Variants in SEMA5A observed in about 807,000 individuals in gnomAD.
SEMA5A encodes semaphorin 5A.
A neutral mutation model predicts 135.5 loss-of-function variants in SEMA5A; 55 were observed. The observed-to-expected ratio is 0.41, with a 90% CI of 0.33 to 0.51. The LOEUF is 0.51. Among genes scored for constraint, SEMA5A ranks in the 20% least tolerant of loss-of-function variants. The probability of loss-of-function intolerance (pLI) is 0.37; values close to 1 mark genes in which losing one functional copy is unlikely to be tolerated. For synonymous variants in SEMA5A, 580 were observed against 546.5 expected, an observed-to-expected ratio of 1.06 and a Z score of -0.85; for missense variants, 1,290 against 1,419.9, an observed-to-expected ratio of 0.91 and a Z score of 1.47.
intron 2 of SEMA5A, among the ~76,000 whole-genome samples, chr5:9,400,446 T>C (rs941174759): frequency 4.6e-5 from 7 of 150,588 alleles, no homozygotes; most frequent in African/African-American, 1.5e-4. Context: ...AATCTGAAGA[T>C]CTAAAAAAAA....
At chr5:9,445,834 A>C (rs1016773921) in intron 1 of SEMA5A, among the ~76,000 whole-genome samples, 2 of 152,170 alleles carry the variant, frequency 1.3e-5, no homozygotes, top group African/African-American at 4.8e-5. Flanking sequence ...AATCATGCAA[A>C]TATCTGGCTC....
At chr5:9,139,534 C>G (rs1741949173) in intron 12 of SEMA5A, among the ~76,000 whole-genome samples, 1 of 152,120 alleles carries the variant, frequency 6.6e-6, no homozygotes, top group South Asian at 2.1e-4. Flanking sequence ...GATGAATATA[C>G]TTTTTAAACA....
chr5:9,085,505 G>A (rs1738632139), intron 16 of SEMA5A, among the ~76,000 whole-genome samples: 1 of 152,200 alleles, frequency 6.6e-6, no homozygotes, highest in African/African-American at 2.4e-5. Flanking sequence ...TGCAGAGGGT[G>A]CAAGCCCCAA....
intron 16 of SEMA5A, among the ~76,000 whole-genome samples, chr5:9,073,686 G>A (rs564293385): frequency 6.6e-6 from 1 of 152,134 alleles, no homozygotes; most frequent in African/African-American, 2.4e-5. Context: ...CATACAATAT[G>A]ATTGTCTATG....
chr5:9,167,967 T>A (rs1243618765), intron 11 of SEMA5A, among the ~76,000 whole-genome samples: 1 of 152,200 alleles, frequency 6.6e-6, no homozygotes, highest in Non-Finnish European at 1.5e-5. Flanking sequence ...TCTTTCAATT[T>A]TCCTGGTTAT....
intron 5 of SEMA5A, among the ~76,000 whole-genome samples, chr5:9,317,163 A>C (rs968822733): frequency 6.6e-6 from 1 of 152,180 alleles, no homozygotes; most frequent in African/African-American, 2.4e-5. Flanking sequence ...AGCTCAATGA[A>C]AGACTCCAGT....
intron 8 of SEMA5A, among the ~76,000 whole-genome samples, chr5:9,213,961 G>C (rs1746479311): frequency 6.6e-6 from 1 of 152,006 alleles, no homozygotes; most frequent in South Asian, 2.1e-4. Context: ...GACTGACCAA[G>C]AGCTCCAGTA....
intron 5 of SEMA5A, among the ~76,000 whole-genome samples, chr5:9,268,507 T>G (rs1346619867): frequency 6.6e-6 from 1 of 152,082 alleles, no homozygotes; most frequent in Non-Finnish European, 1.5e-5. Flanking sequence ...AGTTCAGAAT[T>G]TTTCAGTAAA....
chr5:9,489,567 TTAAGTA>T (rs538971533), intron 1 of SEMA5A, among the ~76,000 whole-genome samples: 180 of 152,292 alleles, frequency 1.2e-3, no homozygotes, highest in Admixed American at 2.4e-3. Context: ...AATATTCACT[TTAAGTA>T]TAAGAAATTT....
chr5:9,283,246 C>A (rs150055997), intron 5 of SEMA5A, among the ~76,000 whole-genome samples: 2 of 152,248 alleles, frequency 1.3e-5, no homozygotes, highest in African/African-American at 4.8e-5. Context: ...GTGGTTTAAC[C>A]AGATCCTCTG....
intron 15 of SEMA5A, among the ~76,000 whole-genome samples, chr5:9,112,427 G>A (rs188579510): frequency 6.6e-6 from 1 of 152,132 alleles, no homozygotes; most frequent in Admixed American, 6.5e-5. Context: ...AACCAATCAG[G>A]GCCTCTTCTG....
At chr5:9,447,773 G>C (rs1442761362) in intron 1 of SEMA5A, among the ~76,000 whole-genome samples, 1 of 152,194 alleles carries the variant, frequency 6.6e-6, no homozygotes, top group Non-Finnish European at 1.5e-5. Flanking sequence ...GTTGTGTTTA[G>C]AGAGTTTACA....
chr5:9,125,201 C>T (rs547245760), intron 13 of SEMA5A, among the ~76,000 whole-genome samples: 1 of 152,344 alleles, frequency 6.6e-6, no homozygotes, highest in East Asian at 1.9e-4. Context: ...TTCTAACCAA[C>T]CCTCTAACAT....
chr5:9,163,372 G>A (rs564230369), intron 11 of SEMA5A, among the ~76,000 whole-genome samples: 1 of 152,158 alleles, frequency 6.6e-6, no homozygotes, highest in African/African-American at 2.4e-5. Context: ...AGACTCTCAT[G>A]TGCATAATTC....
intron 1 of SEMA5A, among the ~76,000 whole-genome samples, chr5:9,469,963 T>A (rs1413563844): frequency 4.6e-5 from 7 of 152,148 alleles, no homozygotes; most frequent in Admixed American, 4.6e-4. Context: ...AGGCCCCAAA[T>A]GGAAAATCCA....
At chr5:9,435,018 A>G (rs1310970254) in intron 2 of SEMA5A, among the ~76,000 whole-genome samples, 4 of 152,214 alleles carry the variant, frequency 2.6e-5, no homozygotes, top group Non-Finnish European at 5.9e-5. Context: ...TATCAGAAGT[A>G]TCCGTTTGTA....
chr5:9,328,286 C>G (rs1422002585), intron 4 of SEMA5A, among the ~76,000 whole-genome samples: 2 of 152,218 alleles, frequency 1.3e-5, no homozygotes, highest in African/African-American at 2.4e-5. Context: ...TGATCCACAA[C>G]CCGCAACTGC....
chr5:9,299,071 T>C (rs1751477217), intron 5 of SEMA5A, among the ~76,000 whole-genome samples: 1 of 151,860 alleles, frequency 6.6e-6, no homozygotes, highest in African/African-American at 2.4e-5. Flanking sequence ...GTTAGATTTG[T>C]GGCATCCTCA....
intron 1 of SEMA5A, chr5:9,511,258 T>C (rs1404410187): frequency 6.6e-6 from 1 of 152,206 alleles, no homozygotes; most frequent in Admixed American, 6.5e-5. Flanking sequence ...CAAGAGATTT[T>C]GTGATGTCAT....
Sources: gnomAD v4.1 joint callset for allele counts (sites outside exome capture counted in the v4.1 genomes callset) on GRCh38, gnomAD v4.1.1 for gene constraint, MANE v1.5 for transcripts, NCBI Gene and HGNC (gene_info 2026-07-23, HGNC 2026-07-21) for gene names.